The following GNA14 variants were observed in gnomAD, a reference collection of about 807,000 sequenced individuals.
GNA14 encodes guanine nucleotide-binding protein subunit alpha-14.
A neutral mutation model predicts 42.0 loss-of-function variants in GNA14; 50 were observed. The observed-to-expected ratio is 1.19, with a 90% CI of 0.95 to 1.51. The LOEUF is 1.51. Ranked by LOEUF, GNA14 falls within the 40% of genes most tolerant of loss-of-function variation. The probability of loss-of-function intolerance (pLI) is 0.00; values close to 1 mark genes in which losing one functional copy is unlikely to be tolerated. For missense variants in GNA14, 473 were observed against 446.2 expected, an observed-to-expected ratio of 1.06 and a Z score of -0.54; for synonymous variants, 173 against 163.1, an observed-to-expected ratio of 1.06 and a Z score of -0.46.
chr9:77,480,263 G>A (rs1301484209), intron 2 of GNA14, among the ~76,000 whole-genome samples: 4 of 152,130 alleles, frequency 2.6e-5, no homozygotes, highest in Non-Finnish European at 4.4e-5. Flanking sequence ...AGCATGAAGG[G>A]TTGTTGAATT....
At chr9:77,448,343 G>C (rs942718545) in intron 2 of GNA14, among the ~76,000 whole-genome samples, 1 of 152,196 alleles carries the variant, frequency 6.6e-6, no homozygotes, top group East Asian at 1.9e-4. Flanking sequence ...ACCATATTTT[G>C]AGTATCGAAT....
At chr9:77,431,212 C>A in intron 4 of GNA14, 109 bp downstream of exon 4, 1 of 982,026 alleles carries the variant, frequency 1.0e-6, no homozygotes, top group Admixed American at 2.2e-5. Context: ...GAGGGTCACT[C>A]TGTCCTAAGA....
intron 2 of GNA14, among the ~76,000 whole-genome samples, chr9:77,514,715 G>A (rs896557505): frequency 4.7e-5 from 7 of 150,178 alleles, no homozygotes; most frequent in African/African-American, 7.4e-5. Flanking sequence ...CCGGGTTCAC[G>A]CCATTCTCCT....
rs201356629 is a variant in GNA14, at chr9:77,443,322, T to TA, written c.310-8801dup. On this transcript the variant is annotated intron_variant, in intron 2 of 6. Transcript: ENST00000341700. Reference sequence around the variant, plus strand: ...AATATTTAATTACTAAGACTTCACGTAAAAAAATGGATTTCCAGCTTCTTT... The same window carrying TA: ...AATATTTAATTACTAAGACTTCACGTAAAAAAAATGGATTTCCAGCTTCTTT... Among the ~76,000 whole-genome samples the TA allele has an allele frequency of 7.0e-3, 1,060 of 152,256 alleles. 13 individuals are homozygous for TA. The highest frequency in any genetic ancestry group is 0.023 in the African/African-American group (964 of 41,544).
At chr9:77,450,819 G>C (rs957386405) in intron 2 of GNA14, among the ~76,000 whole-genome samples, 7 of 151,996 alleles carry the variant, frequency 4.6e-5, no homozygotes, top group African/African-American at 1.7e-4. Flanking sequence ...TTGAATCATG[G>C]GGGTGGGTTT....
chr9:77,463,317 A>G (rs1331804085), intron 2 of GNA14, among the ~76,000 whole-genome samples: 2 of 152,210 alleles, frequency 1.3e-5, no homozygotes, highest in African/African-American at 2.4e-5. Flanking sequence ...GGCAATGCCA[A>G]TAATAATTCT....
chr9:77,562,452 T>C (rs550078813), intron 1 of GNA14, among the ~76,000 whole-genome samples: 14 of 151,702 alleles, frequency 9.2e-5, no homozygotes, highest in African/African-American at 3.4e-4. Context: ...CAAGCTAGAG[T>C]AGGGGATTTA....
intron 2 of GNA14, among the ~76,000 whole-genome samples, chr9:77,492,834 C>T (rs550198261): frequency 4.7e-4 from 71 of 151,164 alleles, no homozygotes; most frequent in African/African-American, 1.6e-3. Context: ...AACCCCATCT[C>T]AGCTAAAAAT....
chr9:77,641,640 GA>G (rs972972504), intron 1 of GNA14, among the ~76,000 whole-genome samples: 4 of 152,140 alleles, frequency 2.6e-5, no homozygotes, highest in African/African-American at 9.7e-5. Flanking sequence ...TGACTTTGTG[GA>G]AAAGTTCCAG....
At chr9:77,645,446 C>T (rs1824337594) in intron 1 of GNA14, among the ~76,000 whole-genome samples, 1 of 152,168 alleles carries the variant, frequency 6.6e-6, no homozygotes, top group South Asian at 2.1e-4. Flanking sequence ...GAAGTCCATC[C>T]TTGGAGTTCT....
rs1463128364 is a variant in GNA14, at chr9:77,528,969, T to A, written c.309+100A>T. On this transcript the variant is annotated intron_variant, in intron 2 of 6. Transcript: ENST00000341700. ...CCCCACACCCCAGGGAACAAGAGCT[T>A]CTTCTGGCATCTGACCAAAGCACTG... 4.0e-6 allele frequency: 4 copies of A among 992,336 alleles called. No homozygotes were observed. The African/African-American group carries it at 4.8e-5, about 12-fold the overall frequency. The allele number at this position is 992,336 out of a possible 1,614,324, so 61.5% of individuals were successfully genotyped here.
chr9:77,623,670 G>A (rs2117982613), intron 1 of GNA14, among the ~76,000 whole-genome samples: 3 of 152,284 alleles, frequency 2.0e-5, no homozygotes, highest in Admixed American at 2.0e-4. Context: ...AAGGAGTTGG[G>A]GAACTCCCTA....
intron 1 of GNA14, among the ~76,000 whole-genome samples, chr9:77,556,530 C>T (rs1477511425): frequency 6.6e-6 from 1 of 152,140 alleles, no homozygotes; most frequent in Non-Finnish European, 1.5e-5. Flanking sequence ...TTCCAGGCCA[C>T]CACCAGGGCA....
At chr9:77,428,282 C>T (rs934359301) in intron 5 of GNA14, among the ~76,000 whole-genome samples, 3 of 151,780 alleles carry the variant, frequency 2.0e-5, no homozygotes, top group East Asian at 2.0e-4. Context: ...GGTTTCACCA[C>T]GTTAGCCAGG....
At chr9:77,639,443 A>G (rs981770650) in intron 1 of GNA14, among the ~76,000 whole-genome samples, 6 of 152,236 alleles carry the variant, frequency 3.9e-5, no homozygotes, top group African/African-American at 7.2e-5. Flanking sequence ...GGAAAAGCCT[A>G]TATTTTAAAC....
intron 1 of GNA14, among the ~76,000 whole-genome samples, chr9:77,585,211 C>A (rs1823284840): frequency 6.6e-6 from 1 of 152,104 alleles, no homozygotes; most frequent in South Asian, 2.1e-4. Context: ...GAATATGCCA[C>A]CCCAAAATAT....
intron 1 of GNA14, among the ~76,000 whole-genome samples, chr9:77,622,253 C>G (rs550350662): frequency 2.3e-4 from 35 of 152,176 alleles, no homozygotes; most frequent in Admixed American, 9.1e-4. Context: ...ACAACAACAA[C>G]AAGAAGAAAT....
At chr9:77,625,968 G>C (rs1293845763) in intron 1 of GNA14, among the ~76,000 whole-genome samples, 1 of 151,866 alleles carries the variant, frequency 6.6e-6, no homozygotes, top group Non-Finnish European at 1.5e-5. Context: ...AAGACCCCTT[G>C]GTGTGCTGTA....
chr9:77,467,650 CTT>C (rs3052383), intron 2 of GNA14, among the ~76,000 whole-genome samples: 29,494 of 139,506 alleles, frequency 0.21, 3,237 homozygotes, highest in East Asian at 0.36. Flanking sequence ...CGGAGCTCTC[CTT>C]TTTTTTTTTT....
Sources: gnomAD v4.1 joint callset for allele counts (sites outside exome capture counted in the v4.1 genomes callset) on GRCh38, gnomAD v4.1.1 for gene constraint, MANE v1.5 for transcripts, NCBI Gene and HGNC (gene_info 2026-07-23, HGNC 2026-07-21) for gene names.